The following ROBO2 variants were observed in gnomAD, a reference collection of about 807,000 sequenced individuals.
ROBO2 encodes the protein roundabout guidance receptor 2, also known as roundabout homolog 2.
In ROBO2, 53 loss-of-function variants were observed where a neutral mutation model predicts 160.8. That is an observed-to-expected ratio of 0.33 (90% CI 0.26 to 0.41). The LOEUF (loss-of-function observed/expected upper bound fraction) is 0.41. Ranked by LOEUF, ROBO2 falls within the 10% of genes least tolerant of loss-of-function variation. The pLI, the probability that ROBO2 is intolerant of heterozygous loss-of-function variation, is 1.00. For missense variants in ROBO2, 1,577 were observed against 1,722.4 expected (o/e 0.92, Z 1.49); for synonymous variants, 664 against 611.7 (o/e 1.09, Z -1.26).
At chr3:76,078,098 A>G (rs1014139932) in intron 2 of ROBO2, among the ~76,000 whole-genome samples, 1 of 152,190 alleles carries the variant, frequency 6.6e-6, no homozygotes, top group Non-Finnish European at 1.5e-5. Context: ...CAATTAGAAA[A>G]GAGTGGAAAA....
At chr3:77,321,010 T>C (rs1361947898) in intron 2 of ROBO2, among the ~76,000 whole-genome samples, 3 of 152,164 alleles carry the variant, frequency 2.0e-5, no homozygotes, top group South Asian at 4.1e-4. Flanking sequence ...CAACACACAA[T>C]TCCAGATGAA....
At chr3:76,880,049 G>T (rs369666932) in intron 2 of ROBO2, among the ~76,000 whole-genome samples, 1 of 152,048 alleles carries the variant, frequency 6.6e-6, no homozygotes. Flanking sequence ...GGCCTTTATG[G>T]TCATACATAA....
At chr3:77,625,530 A>G (rs2094996270) in intron 23 of ROBO2, among the ~76,000 whole-genome samples, 1 of 151,814 alleles carries the variant, frequency 6.6e-6, no homozygotes, top group Admixed American at 6.6e-5. Context: ...GACGCCCACC[A>G]CCATGCCCAG....
chr3:77,010,759 T>A (rs1196588857), intron 2 of ROBO2, among the ~76,000 whole-genome samples: 1 of 150,442 alleles, frequency 6.6e-6, no homozygotes, highest in East Asian at 1.9e-4. Context: ...TCAGTCTCTA[T>A]CCTCTGATTT....
chr3:76,380,179 A>G (rs2076547616), intron 2 of ROBO2, among the ~76,000 whole-genome samples: 1 of 152,066 alleles, frequency 6.6e-6, no homozygotes, highest in African/African-American at 2.4e-5. Context: ...AAGATATTTA[A>G]CTATAAATCT....
At chr3:77,610,800 A>G (rs1015523635) in intron 21 of ROBO2, among the ~76,000 whole-genome samples, 6 of 151,570 alleles carry the variant, frequency 4.0e-5, no homozygotes, top group Non-Finnish European at 8.8e-5. Context: ...AAGACGAGAA[A>G]ACAGGAAATA....
intron 2 of ROBO2, among the ~76,000 whole-genome samples, chr3:76,953,515 C>T (rs903329963): frequency 1.3e-5 from 2 of 152,178 alleles, no homozygotes; most frequent in Admixed American, 1.3e-4. Context: ...CTATTCTATA[C>T]ATTCGAGGAC....
intron 2 of ROBO2, among the ~76,000 whole-genome samples, chr3:76,905,093 T>G (rs771629980): frequency 6.6e-6 from 1 of 152,198 alleles, no homozygotes; most frequent in Non-Finnish European, 1.5e-5. Context: ...GAGTTTCGCT[T>G]AATTTCAGTC....
chr3:76,659,227 T>C (rs1240818799), intron 2 of ROBO2, among the ~76,000 whole-genome samples: 1 of 150,476 alleles, frequency 6.6e-6, no homozygotes, highest in African/African-American at 2.4e-5. Context: ...TGCAATTATA[T>C]TATATTATAT....
intron 2 of ROBO2, among the ~76,000 whole-genome samples, chr3:77,098,672 C>A (rs1004910480): frequency 2.0e-5 from 3 of 151,930 alleles, no homozygotes; most frequent in African/African-American, 7.3e-5. Flanking sequence ...ACGGTGAAAC[C>A]CCGTCTCTAC....
intron 2 of ROBO2, among the ~76,000 whole-genome samples, chr3:76,107,234 A>G (rs533291029): frequency 6.6e-6 from 1 of 152,246 alleles, no homozygotes; most frequent in East Asian, 1.9e-4. Context: ...GCTAAGGCAC[A>G]GAGACTTAGG....
intron 2 of ROBO2, among the ~76,000 whole-genome samples, chr3:76,487,692 G>A (rs2079573730): frequency 6.6e-6 from 1 of 151,994 alleles, no homozygotes; most frequent in South Asian, 2.1e-4. Context: ...TCCAGCTGCA[G>A]CGATAGACTC....
intron 1 of ROBO2, among the ~76,000 whole-genome samples, chr3:77,086,070 G>A (rs892116802): frequency 6.6e-6 from 1 of 151,954 alleles, no homozygotes; most frequent in Non-Finnish European, 1.5e-5. Flanking sequence ...AAAATAAACA[G>A]CGTTGGTATA....
At chr3:76,271,272 T>C (rs1365698322) in intron 2 of ROBO2, among the ~76,000 whole-genome samples, 1 of 152,048 alleles carries the variant, frequency 6.6e-6, no homozygotes, top group Non-Finnish European at 1.5e-5. Context: ...ACTGCAAAAC[T>C]TGTTACATAA....
intron 2 of ROBO2, among the ~76,000 whole-genome samples, chr3:76,024,761 T>C (rs898906454): frequency 1.3e-5 from 2 of 151,646 alleles, no homozygotes; most frequent in African/African-American, 2.4e-5. Flanking sequence ...TGGAAATGTA[T>C]GTCTGAACTA....
Position 76,858,087 on chromosome 3 carries a change from G to A in ROBO2, c.110-239927G>A, listed in dbSNP as rs577806416. ...CTGGATCCCCATTATACCCTAGTAC[G>A]CTCCCAGCATAGCACTCGCTAGTAC... On this transcript the variant is annotated intron_variant, in intron 2 of 26. Coordinates refer to the ROBO2 transcript ENST00000487694. Among the ~76,000 whole-genome samples the A allele has an allele frequency of 5.3e-5, 8 of 151,656 alleles. No homozygotes were observed. The South Asian group carries it at 8.3e-4, about 16-fold the overall frequency.
chr3:76,446,117 A>G (rs1411168648), intron 2 of ROBO2, among the ~76,000 whole-genome samples: 1 of 152,186 alleles, frequency 6.6e-6, no homozygotes, highest in Non-Finnish European at 1.5e-5. Context: ...TTTGCAGATG[A>G]CATGATTGTA....
At chr3:77,344,066 T>C (rs1334919669) in intron 2 of ROBO2, among the ~76,000 whole-genome samples, 1 of 152,090 alleles carries the variant, frequency 6.6e-6, no homozygotes, top group Non-Finnish European at 1.5e-5. Flanking sequence ...GATCAAGAAC[T>C]GTAAATGCAA....
chr3:76,410,203 G>GT (rs1284623415), intron 2 of ROBO2, among the ~76,000 whole-genome samples: 1 of 152,086 alleles, frequency 6.6e-6, no homozygotes, highest in Non-Finnish European at 1.5e-5. Flanking sequence ...GGCCCTAAGG[G>GT]TTTAGCATCT....
Sources: gnomAD v4.1 joint callset for allele counts (sites outside exome capture counted in the v4.1 genomes callset) on GRCh38, gnomAD v4.1.1 for gene constraint, MANE v1.5 for transcripts, NCBI Gene and HGNC (gene_info 2026-07-23, HGNC 2026-07-21) for gene names.